TMEM63C: variants seen among roughly 807,000 people sequenced by gnomAD.
The protein encoded by TMEM63C is osmosensitive cation channel TMEM63C.
In TMEM63C, 32 loss-of-function variants were observed where a neutral mutation model predicts 99.2. The ratio of observed to expected loss-of-function variants is 0.32; its 90% CI spans 0.24 to 0.43. The LOEUF (loss-of-function observed/expected upper bound fraction) is 0.43, where lower values mean the gene tolerates loss of function less well. Among genes scored for constraint, TMEM63C ranks in the 20% least tolerant of loss-of-function variants. TMEM63C has a pLI of 1.00. For missense variants in TMEM63C, 826 were observed against 1,053.0 expected (o/e 0.78, Z 2.98); for synonymous variants, 376 against 397.9 (o/e 0.94, Z 0.66).
chr14:77,246,019 C>A lies in TMEM63C; in HGVS notation c.1528C>A (p.Leu510Met). 6.2e-7 allele frequency: 1 copy of A among 1,612,656 alleles called. No homozygotes were observed. Among genetic ancestry groups the A allele is most frequent in the Non-Finnish European group, 8.5e-7 (1 of 1,178,642 alleles). ...FMVVILPSMG[L>M]TSLDVFLRWL... Reference sequence around the variant, plus strand: ...GGTAGTCATTCTGCCCTCTATGGGACTGACCAGGTACCTCACTTCCAATTA... The same window carrying A: ...GGTAGTCATTCTGCCCTCTATGGGAATGACCAGGTACCTCACTTCCAATTA... The change falls in exon 17 of 24, where the codon CTG (leucine) becomes ATG (methionine). Residue 510 changes from leucine (L) to methionine (M), a missense_variant. By Grantham distance (15) the Leu-to-Met change is conservative. Coordinates refer to ENST00000298351, the MANE Select transcript of TMEM63C (RefSeq NM_020431.4).
intron 1 of TMEM63C, among the ~76,000 whole-genome samples, chr14:77,208,454 T>C (rs1888442840): frequency 6.6e-6 from 1 of 152,204 alleles, no homozygotes; most frequent in Non-Finnish European, 1.5e-5. Flanking sequence ...GTCCTCGGCA[T>C]GGCTTGTCAG....
chr14:77,240,654 C>T (rs1466868013), intron 13 of TMEM63C, 46 bp downstream of exon 13: 2 of 1,589,966 alleles, frequency 1.3e-6, no homozygotes, highest in Middle Eastern at 1.7e-4. Flanking sequence ...CATACTCCTG[C>T]TTCTCGGCAC....
At chr14:77,247,111 A>G (rs1165815099) in intron 18 of TMEM63C, among the ~76,000 whole-genome samples, 1 of 152,244 alleles carries the variant, frequency 6.6e-6, no homozygotes, top group Non-Finnish European at 1.5e-5. Context: ...TACATGGATT[A>G]CAAAGAAAAC....
chr14:77,191,901 A>T (rs2140090798), intron 1 of TMEM63C, among the ~76,000 whole-genome samples: 1 of 152,318 alleles, frequency 6.6e-6, no homozygotes, highest in African/African-American at 2.4e-5. Flanking sequence ...TATTGAAAGG[A>T]GTACTGAAAT....
At chr14:77,238,949 G>T (rs556918029) in intron 10 of TMEM63C, among the ~76,000 whole-genome samples, 182 bp downstream of exon 10, 71 of 152,324 alleles carry the variant, frequency 4.7e-4, no homozygotes, top group African/African-American at 1.7e-3. Context: ...CTGGAGCAGG[G>T]TGTCTGAAGT....
chr14:77,210,813 A>G (rs1486448689), intron 1 of TMEM63C, among the ~76,000 whole-genome samples: 3 of 152,104 alleles, frequency 2.0e-5, no homozygotes, highest in Admixed American at 2.0e-4. Flanking sequence ...TATTGAAGCT[A>G]CTGAGAAGGC....
intron 1 of TMEM63C, among the ~76,000 whole-genome samples, chr14:77,187,397 A>AC (rs748982375): frequency 2.0e-5 from 3 of 152,214 alleles, no homozygotes; most frequent in Non-Finnish European, 1.5e-5. Context: ...ATCTCGAGTC[A>AC]CGGGAGCAGG....
intron 1 of TMEM63C, among the ~76,000 whole-genome samples, chr14:77,197,205 A>C (rs1005412052): frequency 1.3e-5 from 2 of 152,254 alleles, no homozygotes. Context: ...ACTATCCTGC[A>C]TGGGGTGTTG....
chr14:77,224,993 C>T (rs1343127073), intron 5 of TMEM63C, among the ~76,000 whole-genome samples: 1 of 152,158 alleles, frequency 6.6e-6, no homozygotes, highest in Non-Finnish European at 1.5e-5. Context: ...TAATTGGCCC[C>T]ACTTGGGTAA....
At chr14:77,225,317 G>C in intron 5 of TMEM63C, 107 bp from the exon 6 acceptor site, 1 of 955,164 alleles carries the variant, frequency 1.0e-6, no homozygotes, top group Non-Finnish European at 1.5e-6. Context: ...AGGAGGCCCC[G>C]GACGCTGCCG....
At chr14:77,203,577 T>C (rs1888340490) in intron 1 of TMEM63C, among the ~76,000 whole-genome samples, 1 of 152,156 alleles carries the variant, frequency 6.6e-6, no homozygotes, top group Non-Finnish European at 1.5e-5. Context: ...CATGCACCCA[T>C]TGTTCTTTAT....
chr14:77,255,525 C>A (rs1889445949), intron 23 of TMEM63C, among the ~76,000 whole-genome samples: 1 of 152,158 alleles, frequency 6.6e-6, no homozygotes, highest in Non-Finnish European at 1.5e-5. Context: ...CAGAATGTTC[C>A]ACCTGGATTT....
intron 2 of TMEM63C, 119 bp from the exon 3 acceptor site, chr14:77,218,682 A>G: frequency 1.0e-6 from 1 of 970,990 alleles, no homozygotes; most frequent in Non-Finnish European, 1.5e-6. Flanking sequence ...CTTGGGTCTG[A>G]AGTGGCCTAG....
At chr14:77,195,684 C>A (rs986058646) in intron 1 of TMEM63C, among the ~76,000 whole-genome samples, 3 of 152,200 alleles carry the variant, frequency 2.0e-5, no homozygotes, top group Admixed American at 2.0e-4. Flanking sequence ...CCCACAGCAG[C>A]AAGGGAAGGT....
chr14:77,223,378 C>T (rs1888760328), intron 5 of TMEM63C, among the ~76,000 whole-genome samples: 1 of 152,146 alleles, frequency 6.6e-6, no homozygotes, highest in Non-Finnish European at 1.5e-5. Flanking sequence ...GGGGAGCCTT[C>T]AGCCAGAGCC....
chr14:77,247,105 T>G (rs1889280173), intron 18 of TMEM63C, among the ~76,000 whole-genome samples: 1 of 152,208 alleles, frequency 6.6e-6, no homozygotes. Flanking sequence ...ACAAAATACA[T>G]GGATTACAAA....
At chr14:77,202,639 C>T (rs992276159) in intron 1 of TMEM63C, among the ~76,000 whole-genome samples, 1 of 152,162 alleles carries the variant, frequency 6.6e-6, no homozygotes, top group African/African-American at 2.4e-5. Flanking sequence ...GGACACCAGT[C>T]GTTGGATTCA....
At chr14:77,183,106 T>C (rs78406754) in intron 1 of TMEM63C, among the ~76,000 whole-genome samples, 2,536 of 152,232 alleles carry the variant, frequency 0.017, 79 homozygotes, top group African/African-American at 0.058. Context: ...ACAGATGACC[T>C]TCCCTGGAGG....
intron 6 of TMEM63C, among the ~76,000 whole-genome samples, chr14:77,230,698 A>G (rs1888922881): frequency 2.6e-5 from 4 of 151,940 alleles, no homozygotes; most frequent in Admixed American, 2.0e-4. Context: ...TCTGAGGTAG[A>G]ACAGTTTCAT....
Sources: allele counts gnomAD v4.1 joint callset (sites outside exome capture counted in the v4.1 genomes callset), GRCh38; gene constraint gnomAD v4.1.1; transcripts MANE v1.5; gene names NCBI Gene and HGNC (gene_info 2026-07-23, HGNC 2026-07-21).